The following DGKB variants were observed in gnomAD, a reference collection of about 807,000 sequenced individuals.
DGKB encodes diacylglycerol kinase beta, also known as 90 kDa diacylglycerol kinase.
DGKB carries 67 observed loss-of-function variants against 114.3 expected under a neutral mutation model. The ratio of observed to expected loss-of-function variants is 0.59; its 90% confidence interval spans 0.48 to 0.72. The LOEUF is 0.72. Ranked by LOEUF, DGKB falls within the 30% of genes least tolerant of loss-of-function variation. DGKB has a pLI of 0.00. For synonymous variants in DGKB, 398 were observed against 323.1 expected, an observed-to-expected ratio of 1.23 and a Z score of -2.49; for missense variants, 907 against 975.2, an observed-to-expected ratio of 0.93 and a Z score of 0.93.
rs181341715 is a variant in DGKB, at chr7:14,942,837, T to C, written c.-188+31859A>G. Among the ~76,000 whole-genome samples the C allele has an allele frequency of 3.9e-3, 601 of 152,192 alleles. 2 individuals carry two copies. Among genetic ancestry groups the C allele is most frequent in the Non-Finnish European group, 6.1e-3 (413 of 67,958 alleles). ...CCCCTTACCTAAAATACCTTTTGCA[T>C]TTCACTTGCAATCTTCATATCATGA... On this transcript the variant is annotated intron_variant, in intron 1 of 4. Transcript: ENST00000437998.
intron 23 of DGKB, among the ~76,000 whole-genome samples, chr7:14,192,395 T>C (rs1784435033): frequency 6.6e-6 from 1 of 152,134 alleles, no homozygotes; most frequent in South Asian, 2.1e-4. Flanking sequence ...TAGGAATATA[T>C]TTAACCAAGG....
At chr7:14,608,168 CACACTGTTTTA>C (rs954371007) in intron 16 of DGKB, among the ~76,000 whole-genome samples, 6 of 151,936 alleles carry the variant, frequency 3.9e-5, no homozygotes, top group African/African-American at 1.4e-4. Flanking sequence ...GCACATATCT[CACACTGTTTTA>C]ATTCTTAGAC....
At chr7:14,515,151 AG>A in intron 20 of DGKB, among the ~76,000 whole-genome samples, 1 of 152,338 alleles carries the variant, frequency 6.6e-6, no homozygotes, top group South Asian at 2.1e-4. Flanking sequence ...TTAGGTTTAG[AG>A]GGTTAGAAAG....
At chr7:14,247,526 T>C (rs1794660813) in intron 23 of DGKB, among the ~76,000 whole-genome samples, 3 of 152,136 alleles carry the variant, frequency 2.0e-5, no homozygotes, top group Admixed American at 2.0e-4. Flanking sequence ...TTTAGTCTTT[T>C]TGATCATAGC....
At chr7:14,351,156 A>C (rs1381634738) in intron 21 of DGKB, among the ~76,000 whole-genome samples, 2 of 152,226 alleles carry the variant, frequency 1.3e-5, no homozygotes, top group Non-Finnish European at 2.9e-5. Flanking sequence ...AAGTGGGTAC[A>C]TTTATGTCAT....
intron 23 of DGKB, among the ~76,000 whole-genome samples, chr7:14,279,636 TG>T (rs543794613): frequency 0.013 from 1,932 of 152,266 alleles, 46 homozygotes; most frequent in African/African-American, 0.044. Flanking sequence ...GTTAGTCTGA[TG>T]GGCTTCCCTT....
chr7:14,343,181 A>ACACACG (rs1171878276), intron 22 of DGKB, among the ~76,000 whole-genome samples: 1 of 151,186 alleles, frequency 6.6e-6, no homozygotes, highest in African/African-American at 2.4e-5. Context: ...ACACACACAC[A>ACACACG]CACACACACA....
chr7:14,635,752 A>G (rs1810630237), intron 13 of DGKB, among the ~76,000 whole-genome samples: 1 of 151,610 alleles, frequency 6.6e-6, no homozygotes, highest in Admixed American at 6.6e-5. Flanking sequence ...GGTAACTTGA[A>G]AAAATCACCC....
intron 20 of DGKB, among the ~76,000 whole-genome samples, chr7:14,479,081 C>T (rs148507217): frequency 6.6e-6 from 1 of 152,218 alleles, no homozygotes; most frequent in African/African-American, 2.4e-5. Flanking sequence ...TCTTCAACCA[C>T]ACATGATTAA....
intron 13 of DGKB, among the ~76,000 whole-genome samples, chr7:14,648,346 C>CTAACTGG (rs1813603201): frequency 6.6e-6 from 1 of 152,192 alleles, no homozygotes; most frequent in Non-Finnish European, 1.5e-5. Context: ...CCCTGACCCC[C>CTAACTGG]GAGCAGCCTA....
intron 13 of DGKB, among the ~76,000 whole-genome samples, chr7:14,661,662 C>T (rs887677018): frequency 3.3e-5 from 5 of 151,908 alleles, no homozygotes; most frequent in African/African-American, 7.3e-5. Flanking sequence ...CCTCAGGGAT[C>T]TAGAACTAGA....
chr7:14,222,038 T>C (rs1304783068), intron 23 of DGKB, among the ~76,000 whole-genome samples: 1 of 151,374 alleles, frequency 6.6e-6, no homozygotes, highest in African/African-American at 2.4e-5. Context: ...TTGAATCTTC[T>C]CTTTTTCTTG....
In DGKB at chr7:14,218,116, A is replaced by G. The variant is rs181340135; in HGVS notation, c.2123-39965T>C. The stretch of plus-strand genomic sequence containing the variant: ...GTCCCAGATGAAACTTCGTGTTCAT[A>G]ACACTTAAGCCTTCAAAGTGTTCAG... On this transcript the variant is annotated intron_variant, in intron 23 of 25. Transcript: ENST00000402815. Among the ~76,000 whole-genome samples, 3 of 152,240 alleles carry G rather than the reference A, an allele frequency of 2.0e-5. No individual in the cohort carries two copies. The East Asian group carries it at 5.8e-4, about 30-fold the overall frequency.
chr7:14,260,996 C>G (rs1030254090), intron 23 of DGKB, among the ~76,000 whole-genome samples: 8 of 152,106 alleles, frequency 5.3e-5, no homozygotes, highest in African/African-American at 1.9e-4. Flanking sequence ...CTAAGTGTGT[C>G]TAGTAGCTCA....
intron 23 of DGKB, among the ~76,000 whole-genome samples, chr7:14,195,776 T>C (rs1784926300): frequency 6.6e-6 from 1 of 152,156 alleles, no homozygotes; most frequent in East Asian, 1.9e-4. Context: ...AACATGATGA[T>C]GAGGAAAAGT....
chr7:14,906,958 A>G (rs974216635), upstream of DGKB, among the ~76,000 whole-genome samples: 3 of 152,238 alleles, frequency 2.0e-5, no homozygotes, highest in Non-Finnish European at 2.9e-5. Flanking sequence ...AATTTTTTAT[A>G]TAAGTATTTT....
intron 13 of DGKB, among the ~76,000 whole-genome samples, chr7:14,648,243 CT>C (rs1813559407): frequency 6.6e-6 from 1 of 152,222 alleles, no homozygotes; most frequent in Admixed American, 6.5e-5. Flanking sequence ...TTAAATGTCC[CT>C]GTCTGACAGC....
intron 2 of DGKB, among the ~76,000 whole-genome samples, chr7:14,795,935 T>A (rs1435305366): frequency 1.3e-5 from 2 of 152,158 alleles, no homozygotes; most frequent in East Asian, 3.9e-4. Context: ...GTACTAATGT[T>A]ATGACATGTC....
At chr7:14,387,888 T>C (rs1267133587) in intron 21 of DGKB, among the ~76,000 whole-genome samples, 2 of 150,686 alleles carry the variant, frequency 1.3e-5, no homozygotes, top group Non-Finnish European at 3.0e-5. Context: ...TTTCTTTTTT[T>C]TTTTTTTTTT....
Sources: gnomAD v4.1 joint callset for allele counts (sites outside exome capture counted in the v4.1 genomes callset) on GRCh38, gnomAD v4.1.1 for gene constraint, MANE v1.5 for transcripts, NCBI Gene and HGNC (gene_info 2026-07-23, HGNC 2026-07-21) for gene names.